Variants in LARP4B observed in about 807,000 individuals in gnomAD.
LARP4B encodes the protein la-related protein 4B.
Under a neutral mutation model 89.8 loss-of-function variants are expected in LARP4B, and 12 were observed. The observed-to-expected ratio is 0.13, with a 90% CI of 0.09 to 0.22. The LOEUF is 0.22. Ranked by LOEUF, LARP4B falls within the 10% of genes least tolerant of loss-of-function variation. LARP4B has a pLI of 1.00. For synonymous variants in LARP4B, 367 were observed against 363.3 expected (o/e 1.01, Z -0.12); for missense variants, 757 against 947.7 (o/e 0.80, Z 2.64).
intron 1 of LARP4B, among the ~76,000 whole-genome samples, chr10:892,073 G>A (rs1836044842): frequency 6.6e-6 from 1 of 152,214 alleles, no homozygotes; most frequent in Non-Finnish European, 1.5e-5. Flanking sequence ...ATATTCAATG[G>A]GAGAAAAGAA....
chr10:918,230 T>A (rs1018154711), intron 1 of LARP4B, among the ~76,000 whole-genome samples: 1 of 152,220 alleles, frequency 6.6e-6, no homozygotes, highest in African/African-American at 2.4e-5. Context: ...CACTTGTAAC[T>A]GCCGCTGAGC....
rs550822880 is a variant in LARP4B at position 820,395 on chromosome 10, G to A, written c.1530+405C>T. 9 of 170,740 alleles carry A rather than the reference G, an allele frequency of 5.3e-5. No individual in the cohort carries two copies. The East Asian group carries it at 1.2e-3, about 22-fold the overall frequency. 10.6% of individuals were successfully genotyped at this position (170,740 alleles called of 1,614,324 possible). ...TCGAAAGTTTTGAAGGAAAAACACC[G>A]ACAAACAAATTGCTCCGTGGAAGAT... On this transcript the variant is annotated intron_variant, in intron 14 of 17. Transcript: ENST00000316157.
At position 810,960 on chromosome 10, in the gene LARP4B, C is replaced by T. The variant is rs1036183396; in HGVS notation, c.*1966G>A. The stretch of plus-strand genomic sequence containing the variant: ...TTTTCCTCTGGCAGGGTCAATCATG[C>T]TTAGCTGCAGGTGATTTAAATTAGA... On this transcript the variant is annotated 3_prime_UTR_variant, in exon 18 of 18. Coordinates refer to ENST00000316157, the MANE Select transcript of LARP4B (RefSeq NM_015155.3). 2 of 152,208 alleles carry T rather than the reference C, an allele frequency of 1.3e-5. No individual in the cohort carries two copies. Among genetic ancestry groups the T allele is most frequent in the Non-Finnish European group, 2.9e-5 (2 of 68,040 alleles). The allele number at this position is 152,208 out of a possible 1,614,324, so 9.4% of individuals were successfully genotyped here. A position where few individuals can be genotyped will look rare whatever the true frequency, so the allele number is the denominator to read the frequency against.
intron 5 of LARP4B, among the ~76,000 whole-genome samples, chr10:852,658 G>T (rs1034197653): frequency 6.6e-6 from 1 of 152,122 alleles, no homozygotes. Context: ...GAAATAAAAG[G>T]CATCAAGATT....
At chr10:954,710 G>T in the LARP4B span, among the ~76,000 whole-genome samples, 1,013 of 152,188 alleles carry the variant, frequency 6.7e-3, 16 homozygotes, top group African/African-American at 0.023. This position sits in a 1 kb window ranked among gnomAD's most constrained non-coding sequence, Gnocchi z 5.0. Context: ...GCTCACTGCT[G>T]GTGCGACACA....
the LARP4B span, among the ~76,000 whole-genome samples, chr10:949,589 C>T: frequency 2.6e-5 from 4 of 151,978 alleles, no homozygotes; most frequent in Middle Eastern, 3.4e-3. Flanking sequence ...CTGCTCTCCC[C>T]GTCCTCACCC....
At chr10:840,628 G>A (rs775284051) in intron 7 of LARP4B, among the ~76,000 whole-genome samples, 4 of 152,158 alleles carry the variant, frequency 2.6e-5, no homozygotes, top group South Asian at 2.1e-4. Flanking sequence ...TACATGAAGG[G>A]TGAAAACAGC....
chr10:983,061 T>C, the LARP4B span, among the ~76,000 whole-genome samples: 2 of 152,272 alleles, frequency 1.3e-5, no homozygotes, highest in Non-Finnish European at 2.9e-5. Context: ...TTTCTCTTTA[T>C]GTATTGGTCA....
chr10:948,673 G>A, the LARP4B span, among the ~76,000 whole-genome samples: 1 of 152,172 alleles, frequency 6.6e-6, no homozygotes, highest in Non-Finnish European at 1.5e-5. Context: ...TCCCATCCCT[G>A]CCTCCTTCTC....
Position 906,584 on chromosome 10 carries a change from T to C in LARP4B, c.-39-20824A>G, listed in dbSNP as rs1291541841. Among the ~76,000 whole-genome samples the C allele has an allele frequency of 2.0e-5, 3 of 152,208 alleles. No individual in the cohort carries two copies. The East Asian group carries it at 5.8e-4, about 29-fold the overall frequency. ...CAAAGGAGTCTACCTCCTTGTCTCC[T>C]TGAGTTATGCTCCTGTGCTCCCAGT... is the stretch of plus-strand genomic sequence containing the variant. On this transcript the variant is annotated intron_variant, in intron 1 of 17. Transcript: ENST00000316157.
At chr10:909,542 TG>T (rs1222168195) in intron 1 of LARP4B, among the ~76,000 whole-genome samples, 1 of 152,014 alleles carries the variant, frequency 6.6e-6, no homozygotes, top group Admixed American at 6.6e-5. Flanking sequence ...CCTGGCACTT[TG>T]GGGGGCCAAG....
chr10:839,731 C>T (rs930162763), intron 7 of LARP4B, among the ~76,000 whole-genome samples: 1 of 152,218 alleles, frequency 6.6e-6, no homozygotes, highest in Non-Finnish European at 1.5e-5. Flanking sequence ...CTTTGGAAAA[C>T]AGGCAGGTGG....
Position 822,446 on chromosome 10 carries a change from C to T in LARP4B, c.1485-1601G>A, listed in dbSNP as rs533914616. Among the ~76,000 whole-genome samples the T allele has an allele frequency of 1.2e-4, 19 of 152,322 alleles. No individual in the cohort carries two copies. In the South Asian group the frequency reaches 3.3e-3, roughly 27 times the overall value. ...CCTTGGAACACAGCGGTGTCCAGGACACAGACCTGCCTGCCATGGGGTCCT... is the reference window on the plus strand; with the variant it reads ...CCTTGGAACACAGCGGTGTCCAGGATACAGACCTGCCTGCCATGGGGTCCT... On this transcript the variant is annotated intron_variant, in intron 13 of 17. Transcript: ENST00000316157. This position sits in a 1 kb window ranked among gnomAD's most constrained non-coding sequence, Gnocchi z 4.6.
intron 1 of LARP4B, among the ~76,000 whole-genome samples, chr10:909,154 CAT>C (rs2132014313): frequency 6.6e-6 from 1 of 152,154 alleles, no homozygotes; most frequent in Non-Finnish European, 1.5e-5. Context: ...ATTAGCCGGG[CAT>C]GGTGGTGGGC....
intron 1 of LARP4B, among the ~76,000 whole-genome samples, chr10:901,562 T>C (rs1373279655): frequency 6.6e-6 from 1 of 152,246 alleles, no homozygotes; most frequent in Non-Finnish European, 1.5e-5. Flanking sequence ...ACTGTTATTT[T>C]AGTCTTTTGT....
chr10:947,419 C>A, the LARP4B span, among the ~76,000 whole-genome samples: 1 of 152,028 alleles, frequency 6.6e-6, no homozygotes, highest in South Asian at 2.1e-4. Flanking sequence ...CCATCACAAC[C>A]CCGTCCCAGG....
chr10:987,986 T>C, the LARP4B span: 2 of 153,464 alleles, frequency 1.3e-5, no homozygotes, highest in African/African-American at 4.8e-5. Flanking sequence ...ACCCAGAGGC[T>C]GGGCACGCCC....
At chr10:892,017 G>T (rs1836039200) in intron 1 of LARP4B, among the ~76,000 whole-genome samples, 1 of 152,136 alleles carries the variant, frequency 6.6e-6, no homozygotes, top group Non-Finnish European at 1.5e-5. Context: ...ATCAACTATT[G>T]CCTCCCGGCA....
At chr10:857,533 C>T (rs866682896) in intron 5 of LARP4B, among the ~76,000 whole-genome samples, 1 of 152,178 alleles carries the variant, frequency 6.6e-6, no homozygotes, top group South Asian at 2.1e-4. Context: ...AGTGGGAGCA[C>T]TCTTTGGTCT....
Sources: allele counts gnomAD v4.1 joint callset (sites outside exome capture counted in the v4.1 genomes callset), GRCh38; gene constraint gnomAD v4.1.1; non-coding constraint Gnocchi (gnomAD v3.1); transcripts MANE v1.5; gene names NCBI Gene and HGNC (gene_info 2026-07-23, HGNC 2026-07-21).